The following SETDB1 variants were observed in gnomAD, a reference collection of about 807,000 sequenced individuals.
SETDB1 encodes the protein histone-lysine N-methyltransferase SETDB1.
Under a neutral mutation model 137.4 loss-of-function variants are expected in SETDB1, and 31 were observed. The observed-to-expected ratio is 0.23, with a 90% CI of 0.17 to 0.30. The LOEUF (loss-of-function observed/expected upper bound fraction) is 0.30. Ranked by LOEUF, SETDB1 falls within the 10% of genes least tolerant of loss-of-function variation. The probability of loss-of-function intolerance (pLI) is 1.00; values close to 1 mark genes in which losing one functional copy is unlikely to be tolerated. For missense variants in SETDB1, 1,113 were observed against 1,631.5 expected (o/e 0.68, Z 5.47); for synonymous variants, 548 against 579.9 (o/e 0.95, Z 0.79).
rs1409521122 is a variant in SETDB1 at position 150,938,148 on chromosome 1, G to A, written c.413-1792G>A. On this transcript the variant is annotated intron_variant, in intron 3 of 21. Coordinates refer to ENST00000692827, the MANE Select transcript of SETDB1 (RefSeq NM_001366418.1). Reference sequence around the variant, plus strand: ...AGCCAGAAGAATCACTTGAACCCAGGAGGTGGAGGTTGCAGTGAGTTGAGA... The same window carrying A: ...AGCCAGAAGAATCACTTGAACCCAGAAGGTGGAGGTTGCAGTGAGTTGAGA... 3.3e-5 allele frequency among the ~76,000 whole-genome samples: 5 copies of A among 150,924 alleles called. No homozygotes were observed. The South Asian group carries it at 1.0e-3, about 31-fold the overall frequency.
chr1:150,941,226 A>C, intron 4 of SETDB1, 103 bp from the exon 5 acceptor site: 1 of 655,154 alleles, frequency 1.5e-6, no homozygotes, highest in Non-Finnish European at 2.7e-6. Flanking sequence ...AACATAACTC[A>C]CTCCATTTTG....
chr1:150,962,869 T>C (rs1670866756), intron 18 of SETDB1, 105 bp from the exon 19 acceptor site: 12 of 1,482,598 alleles, frequency 8.1e-6, no homozygotes, highest in Non-Finnish European at 1.1e-5. Flanking sequence ...GCATCTAATC[T>C]TCCTCTTGCC....
intron 5 of SETDB1, among the ~76,000 whole-genome samples, 178 bp downstream of exon 5, chr1:150,941,606 C>T (rs1313449764): frequency 6.6e-6 from 1 of 152,158 alleles, no homozygotes; most frequent in Admixed American, 6.5e-5. Context: ...ATCTCAATAC[C>T]TCTTTAGCGT....
rs779929350 is a variant in SETDB1 at position 150,942,952 on chromosome 1, G to A, written c.774G>A (p.Leu258=). The stretch of plus-strand genomic sequence containing the variant: ...ATTACCACCCTCCTGCTGACAAGCT[G>A]TATGTGGGCAGTCGGGTGGTCGCCA... The part of the protein sequence containing the change: ...AYDYHPPADK[L]YVGSRVVAKY... Residue 258 remains leucine (L), a synonymous_variant, in exon 7 of 22, where the codon CTG becomes CTA. Coordinates refer to ENST00000692827, the MANE Select transcript of SETDB1 (RefSeq NM_001366418.1). The A allele has an allele frequency of 6.2e-7, 1 of 1,614,020 alleles. No individual in the cohort carries two copies. Among genetic ancestry groups the A allele is most frequent in the Non-Finnish European group, 8.5e-7 (1 of 1,179,836 alleles).
intron 19 of SETDB1, 147 bp from the exon 20 acceptor site, chr1:150,963,383 C>A (rs1467604339): frequency 4.0e-5 from 32 of 793,882 alleles, no homozygotes; most frequent in Non-Finnish European, 5.8e-5. Flanking sequence ...GAAAAAAAAA[C>A]CTGCTACTTA....
In SETDB1 at chr1:150,951,433, C is replaced by T. The variant is rs751547150; in HGVS notation, c.2285C>T (p.Pro762Leu). ...TGTACCCCAGGAGGCCAAATCAACC[C>T]TAACTCTGGCTACCAGTACAAGAGA... ...TACTPGGQIN[P>L]NSGYQYKRLE... The change falls in exon 14 of 22, where the codon CCT becomes CTT. Residue 762 changes from proline (P) to leucine (L), a missense_variant. By Grantham distance (98) the Pro-to-Leu change is moderately conservative. Coordinates refer to ENST00000692827, the MANE Select transcript of SETDB1 (RefSeq NM_001366418.1). 8.7e-6 allele frequency: 14 copies of T among 1,613,584 alleles called. No individual in the cohort carries two copies. Among genetic ancestry groups the T allele is most frequent in the Non-Finnish European group, 1.1e-5 (13 of 1,179,572 alleles).
At chr1:150,961,397 A>G in intron 16 of SETDB1, 1 of 552,278 alleles carries the variant, frequency 1.8e-6, no homozygotes, top group Non-Finnish European at 3.2e-6. Flanking sequence ...TCACACCTGT[A>G]ATCCCAACAC....
Position 150,927,921 on chromosome 1 carries a change from A to G in SETDB1, c.207A>G (p.Ile69Met). 2 of 1,614,230 alleles carry G rather than the reference A, an allele frequency of 1.2e-6. No individual in the cohort carries two copies. Among genetic ancestry groups the G allele is most frequent in the Admixed American group, 1.7e-5 (1 of 60,024 alleles). Residue 69 changes from isoleucine (I) to methionine (M), a missense_variant, in exon 2 of 22, where the codon ATA (isoleucine) becomes ATG (methionine). Transcript: ENST00000692827. The stretch of plus-strand genomic sequence containing the variant: ...TAGCAGAGTTAGAGACATGGGTAAT[A>G]CAGAAAGAATCTGAGGTGGCTCACG... Reference protein sequence around the residue: ...KQLAELETWVIQKESEVAHVD... With the variant: ...KQLAELETWVMQKESEVAHVD...
rs965562280 is a variant in SETDB1 at position 150,964,104 on chromosome 1, A to G, written c.3761+21A>G. 6.2e-6 allele frequency: 10 copies of G among 1,602,530 alleles called. No individual in the cohort carries two copies. The African/African-American group carries it at 1.2e-4, about 19-fold the overall frequency. On this transcript the variant is annotated intron_variant, in intron 21 of 21. Coordinates refer to ENST00000692827, the MANE Select transcript of SETDB1 (RefSeq NM_001366418.1). The stretch of plus-strand genomic sequence containing the variant: ...AGCAAGTAAGGAGTCAGGAAAGGGG[A>G]TGACTGGGGAGGGGCAAGGACCACT...
rs1368051234 is a variant in SETDB1 at position 150,927,991 on chromosome 1, A to C, written c.260+17A>C. On this transcript the variant is annotated intron_variant, in intron 2 of 21. Coordinates refer to ENST00000692827, the MANE Select transcript of SETDB1 (RefSeq NM_001366418.1). ...TGCATCCAGGTGAGAACTCCATGGA[A>C]AATAGAAGGAAATCTCTCCATTGGG... 2 of 1,610,168 alleles carry C rather than the reference A, an allele frequency of 1.2e-6. No homozygotes were observed. The highest frequency in any genetic ancestry group is 2.7e-5 in the African/African-American group (2 of 74,766).
Position 150,943,017 on chromosome 1 carries a change from T to C in SETDB1, c.839T>C (p.Ile280Thr), listed in dbSNP as rs1434880588. 6.2e-7 allele frequency: 1 copy of C among 1,613,996 alleles called. No individual in the cohort carries two copies. The highest frequency in any genetic ancestry group is 2.2e-5 in the East Asian group (1 of 44,892). Reference sequence around the variant, plus strand: ...AATCAGGTCTGGCTCTATGCTGGCATTGTAGCTGAGACACCAAACGTCAAA... The same window carrying C: ...AATCAGGTCTGGCTCTATGCTGGCACTGTAGCTGAGACACCAAACGTCAAA... ...DGNQVWLYAG[I>T]VAETPNVKNK... Residue 280 changes from isoleucine to threonine, a missense_variant, in exon 7 of 22, where the codon ATT becomes ACT. Around this residue, in one of 11 missense-constraint regions of SETDB1, gnomAD observed 154 missense variants for 303.1 expected, o/e 0.51. Coordinates refer to ENST00000692827, the MANE Select transcript of SETDB1 (RefSeq NM_001366418.1).
At chr1:150,950,288 T>A (rs1670459241) in intron 12 of SETDB1, among the ~76,000 whole-genome samples, 170 bp from the exon 13 acceptor site, 1 of 150,322 alleles carries the variant, frequency 6.7e-6, no homozygotes. Context: ...AACCAGGGAG[T>A]TTCATTGTCC....
chr1:150,942,502 C>G (rs1288599405), intron 5 of SETDB1, 61 bp from the exon 6 acceptor site: 2 of 1,476,736 alleles, frequency 1.4e-6, no homozygotes, highest in East Asian at 4.5e-5. Flanking sequence ...CCCTCTTTAC[C>G]TTCCCGTTCT....
chr1:150,950,527 C>T lies in SETDB1; in HGVS notation c.1653C>T (p.Val551=), dbSNP rs751845676. The T allele has an allele frequency of 6.2e-7, 1 of 1,613,846 alleles. No individual in the cohort carries two copies. The highest frequency in any genetic ancestry group is 1.3e-5 in the African/African-American group (1 of 74,934). Residue 551 remains valine (V), a synonymous_variant, in exon 13 of 22, where the codon GTC becomes GTT. Coordinates refer to ENST00000692827, the MANE Select transcript of SETDB1 (RefSeq NM_001366418.1). The stretch of plus-strand genomic sequence containing the variant: ...TCCCGGCCCCTCCAGCACCCCCAGT[C>T]TTCCATGGCATGCTGGAGCGGGCCC... The part of the protein sequence containing the change: ...SALPAPPAPP[V]FHGMLERAPA...
rs1310177520 is a variant in SETDB1, at chr1:150,926,454, C to T, written c.-75C>T. The T allele has an allele frequency of 3.4e-6, 1 of 295,364 alleles. No homozygotes were observed. Among genetic ancestry groups the T allele is most frequent in the Non-Finnish European group, 6.5e-6 (1 of 152,740 alleles). 18.3% of individuals were successfully genotyped at this position (295,364 alleles called of 1,614,324 possible). A position where few individuals can be genotyped will look rare whatever the true frequency, so the allele number is the denominator to read the frequency against. ...TTTCGCTCTTTTCCGTCGAGGCCGA[C>T]CCCTGAGTTGTGAGTCTGGGGTCTG... On this transcript the variant is annotated 5_prime_UTR_variant, in exon 1 of 22. Coordinates refer to ENST00000692827, the MANE Select transcript of SETDB1 (RefSeq NM_001366418.1).
chr1:150,963,818 CCTTTT>C, intron 20 of SETDB1, 77 bp downstream of exon 20: 3 of 1,444,590 alleles, frequency 2.1e-6, no homozygotes, highest in Non-Finnish European at 2.9e-6. Flanking sequence ...CTCTATAAGC[CCTTTT>C]CTTGTTATAA....
intron 15 of SETDB1, among the ~76,000 whole-genome samples, chr1:150,959,599 T>A (rs1670757428): frequency 6.6e-6 from 1 of 152,082 alleles, no homozygotes; most frequent in Non-Finnish European, 1.5e-5. Context: ...AGAACAGACA[T>A]GATTATAGAG....
intron 10 of SETDB1, among the ~76,000 whole-genome samples, chr1:150,947,522 A>G (rs1670364856): frequency 6.6e-6 from 1 of 152,040 alleles, no homozygotes; most frequent in African/African-American, 2.4e-5. Context: ...TATAATCCCA[A>G]CACTTTAGGA....
intron 13 of SETDB1, 78 bp from the exon 14 acceptor site, chr1:150,951,287 C>G (rs1046583582): frequency 8.4e-7 from 1 of 1,195,992 alleles, no homozygotes; most frequent in African/African-American, 1.5e-5. Flanking sequence ...CACTGAGCAA[C>G]CTTGGGTACA....
Sources: gnomAD v4.1 joint callset for allele counts (sites outside exome capture counted in the v4.1 genomes callset) on GRCh38, gnomAD v4.1.1 for gene constraint, gnomAD v4.1.1 regional missense constraint, MANE v1.5 for transcripts, NCBI Gene and HGNC (gene_info 2026-07-23, HGNC 2026-07-21) for gene names.